MYO5B: variants seen among roughly 807,000 people sequenced by gnomAD.
MYO5B encodes the protein unconventional myosin-Vb.
A neutral mutation model predicts 229.3 loss-of-function variants in MYO5B; 143 were observed. That is an observed-to-expected ratio of 0.62 (90% CI 0.54 to 0.72). The LOEUF (loss-of-function observed/expected upper bound fraction) is 0.72, where lower values mean the gene tolerates loss of function less well. MYO5B is among the 30% of genes least tolerant of loss of function. MYO5B has a pLI of 0.00. For missense variants in MYO5B, 2,321 were observed against 2,331.0 expected, an observed-to-expected ratio of 1.00 and a Z score of 0.09; for synonymous variants, 918 against 885.2, an observed-to-expected ratio of 1.04 and a Z score of -0.66.
chr18:49,902,226 C>CCA (rs1182513287), intron 21 of MYO5B, among the ~76,000 whole-genome samples: 1 of 152,172 alleles, frequency 6.6e-6, no homozygotes, highest in East Asian at 1.9e-4. Flanking sequence ...TGCATCCCTC[C>CCA]CACCTCTGAT....
At chr18:49,971,793 CAGAG>C (rs1459927452) in intron 10 of MYO5B, among the ~76,000 whole-genome samples, 1 of 152,298 alleles carries the variant, frequency 6.6e-6, no homozygotes, top group African/African-American at 2.4e-5. Context: ...ATCCTTAACT[CAGAG>C]AGAGTGTGAA....
chr18:50,045,595 T>C (rs1182680810), intron 2 of MYO5B, among the ~76,000 whole-genome samples: 1 of 152,222 alleles, frequency 6.6e-6, no homozygotes, highest in Non-Finnish European at 1.5e-5. Context: ...GGTTTCACCA[T>C]GTTGCCCAGG....
At chr18:49,849,100 A>C (rs555056263) in intron 32 of MYO5B, among the ~76,000 whole-genome samples, 1 of 152,138 alleles carries the variant, frequency 6.6e-6, no homozygotes, top group South Asian at 2.1e-4. Context: ...AGTCAGAGGG[A>C]GAGAACATTC....
At chr18:49,910,983 C>T (rs1433625848) in intron 18 of MYO5B, among the ~76,000 whole-genome samples, 1 of 152,202 alleles carries the variant, frequency 6.6e-6, no homozygotes, top group Non-Finnish European at 1.5e-5. Flanking sequence ...CCCAATAGCT[C>T]CGCTTCTATA....
chr18:49,918,831 AG>A (rs1210586984), intron 17 of MYO5B, among the ~76,000 whole-genome samples: 5 of 152,218 alleles, frequency 3.3e-5, no homozygotes, highest in Non-Finnish European at 5.9e-5. Flanking sequence ...GCAGAGAAAT[AG>A]ATGATTCTGG....
At chr18:50,011,629 C>T (rs996433444) in intron 4 of MYO5B, among the ~76,000 whole-genome samples, 5 of 151,962 alleles carry the variant, frequency 3.3e-5, no homozygotes, top group Non-Finnish European at 7.4e-5. Flanking sequence ...ACCTTTCTCT[C>T]CTTTACTGCT....
At chr18:49,954,284 A>C (rs1362997032) in intron 13 of MYO5B, 29 bp downstream of exon 13, 2 of 1,613,260 alleles carry the variant, frequency 1.2e-6, no homozygotes, top group Non-Finnish European at 1.7e-6. Context: ...GGCCAAGGGA[A>C]TACCCGAGCC....
intron 18 of MYO5B, among the ~76,000 whole-genome samples, chr18:49,907,650 GC>G (rs1311989860): frequency 6.6e-6 from 1 of 152,258 alleles, no homozygotes; most frequent in Non-Finnish European, 1.5e-5. Flanking sequence ...TTGGCAAATG[GC>G]CCTGAAAAAT....
At chr18:49,978,410 T>C (rs1377994273) in intron 9 of MYO5B, among the ~76,000 whole-genome samples, 1 of 152,122 alleles carries the variant, frequency 6.6e-6, no homozygotes, top group African/African-American at 2.4e-5. Context: ...TTAATTTTGC[T>C]GGTCTCGCCC....
In MYO5B at chr18:49,849,668, C is replaced by A. The variant is rs1406161025; in HGVS notation, c.4222-8G>T. On this transcript the variant is annotated splice_region_variant and splice_polypyrimidine_tract_variant and intron_variant, in intron 31 of 39. Transcript: ENST00000285039. Reference sequence around the variant, plus strand: ...TACCAGTTCTTTAAGGTCCTGGAAGCAGAGGAAGCAGTGTGAGAACAGACA... The same window carrying A: ...TACCAGTTCTTTAAGGTCCTGGAAGAAGAGGAAGCAGTGTGAGAACAGACA... 1.2e-6 allele frequency: 2 copies of A among 1,605,488 alleles called. No individual in the cohort carries two copies. The highest frequency in any genetic ancestry group is 1.7e-6 in the Non-Finnish European group (2 of 1,172,602).
chr18:50,077,417 C>A (rs2031110328), intron 1 of MYO5B, among the ~76,000 whole-genome samples: 1 of 151,660 alleles, frequency 6.6e-6, no homozygotes, highest in Non-Finnish European at 1.5e-5. Context: ...CTCAGAGTGG[C>A]CCTGCATCTG....
chr18:49,913,645 G>A (rs944209346), intron 17 of MYO5B, among the ~76,000 whole-genome samples: 2 of 152,104 alleles, frequency 1.3e-5, no homozygotes, highest in Non-Finnish European at 2.9e-5. Context: ...GGACAGAAGA[G>A]GACAGTTCCC....
At chr18:49,924,733 C>A (rs1255874152) in intron 17 of MYO5B, among the ~76,000 whole-genome samples, 2 of 152,204 alleles carry the variant, frequency 1.3e-5, no homozygotes, top group Non-Finnish European at 2.9e-5. Flanking sequence ...AGAGGAATGG[C>A]AGGTCTAGGC....
At chr18:49,975,822 C>T (rs964744356) in intron 9 of MYO5B, among the ~76,000 whole-genome samples, 10 of 152,152 alleles carry the variant, frequency 6.6e-5, no homozygotes, top group South Asian at 2.1e-4. Flanking sequence ...CGGTCCTGCC[C>T]GATGTATCTC....
Position 49,856,880 on chromosome 18 carries a change from C to T in MYO5B, c.3955G>A (p.Asp1319Asn), listed in dbSNP as rs2024269127. ...GVCQTNSKTE[D>N]WGYLNEDGEL... The stretch of plus-strand genomic sequence containing the variant: ...CCATCTTCATTTAAATATCCCCAAT[C>T]CTCAGTCTTGCTAGAAACAAAGGAC... The change falls in exon 30 of 40, where the codon GAT (aspartate) becomes AAT (asparagine). Residue 1319 changes from aspartate to asparagine, a missense_variant. By Grantham distance (23) the Asp-to-Asn change is conservative (BLOSUM62 1). Coordinates refer to ENST00000285039, the MANE Select transcript of MYO5B (RefSeq NM_001080467.3). The T allele has an allele frequency of 6.2e-7, 1 of 1,614,078 alleles. No individual in the cohort carries two copies. Among genetic ancestry groups the T allele is most frequent in the Non-Finnish European group, 8.5e-7 (1 of 1,179,920 alleles).
At chr18:50,020,755 G>A (rs541122809) in intron 4 of MYO5B, among the ~76,000 whole-genome samples, 3 of 152,334 alleles carry the variant, frequency 2.0e-5, no homozygotes, top group African/African-American at 4.8e-5. Context: ...TCACATTTGA[G>A]AGGTGTGGCA....
At chr18:49,981,728 C>G (rs1419954955) in intron 8 of MYO5B, among the ~76,000 whole-genome samples, 1 of 152,198 alleles carries the variant, frequency 6.6e-6, no homozygotes, top group Non-Finnish European at 1.5e-5. Context: ...ACTACACAGG[C>G]TGCAAGTATT....
chr18:50,043,020 G>A (rs1193097954), intron 2 of MYO5B, among the ~76,000 whole-genome samples: 1 of 151,878 alleles, frequency 6.6e-6, no homozygotes, highest in Admixed American at 6.6e-5. Context: ...GGAAAATAGT[G>A]TGTAGATTCC....
chr18:49,977,078 G>A (rs1033956104), intron 9 of MYO5B, among the ~76,000 whole-genome samples: 8 of 152,136 alleles, frequency 5.3e-5, no homozygotes, highest in African/African-American at 1.9e-4. Flanking sequence ...AGTGGAGAAA[G>A]CACAAGTTAG....
Sources: allele counts gnomAD v4.1 joint callset (sites outside exome capture counted in the v4.1 genomes callset), GRCh38; gene constraint gnomAD v4.1.1; transcripts MANE v1.5; gene names NCBI Gene and HGNC (gene_info 2026-07-23, HGNC 2026-07-21).